Variants in SLCO1B3 observed in about 807,000 individuals in gnomAD.
The protein encoded by SLCO1B3 is solute carrier organic anion transporter family member 1B3, also known as liver-specific organic anion transporter 2.
SLCO1B3 carries 72 observed loss-of-function variants against 71.8 expected under a neutral mutation model. The observed-to-expected ratio is 1.00, with a 90% confidence interval of 0.83 to 1.22. The LOEUF (loss-of-function observed/expected upper bound fraction) is 1.22, where lower values mean the gene tolerates loss of function less well. SLCO1B3 is among the 50% of genes most tolerant of loss of function. SLCO1B3 has a pLI of 0.00. For missense variants in SLCO1B3, 911 were observed against 819.7 expected (o/e 1.11, Z -1.36); for synonymous variants, 298 against 278.4 (o/e 1.07, Z -0.70).
At chr12:20,829,010 A>G (rs928984321) in intron 3 of SLCO1B3, among the ~76,000 whole-genome samples, 12 of 152,036 alleles carry the variant, frequency 7.9e-5, no homozygotes, top group Admixed American at 5.9e-4. Flanking sequence ...CTTTCCTTTT[A>G]CAGAGGCAGG....
intron 14 of SLCO1B3, 25 bp downstream of exon 14, chr12:20,898,525 A>AT: frequency 8.8e-7 from 1 of 1,138,396 alleles, no homozygotes; most frequent in Non-Finnish European, 1.3e-6. Context: ...TAGATTATAC[A>AT]TTTTAACATA....
At chr12:20,812,166 C>T (rs1864120552) in intron 1 of SLCO1B3, among the ~76,000 whole-genome samples, 1 of 152,062 alleles carries the variant, frequency 6.6e-6, no homozygotes. Flanking sequence ...CTCGGCCTCC[C>T]AAAGTGCTGG....
At chr12:20,898,628 T>C in intron 14 of SLCO1B3, 128 bp downstream of exon 14, 1 of 462,632 alleles carries the variant, frequency 2.2e-6, no homozygotes, top group Non-Finnish European at 3.8e-6. Flanking sequence ...ATTTCTATTT[T>C]GTGATAAGTG....
intron 3 of SLCO1B3, among the ~76,000 whole-genome samples, chr12:20,834,018 A>G (rs1864613513): frequency 6.8e-6 from 1 of 146,088 alleles, no homozygotes; most frequent in South Asian, 2.1e-4. Flanking sequence ...GTGTATATGT[A>G]TTATATTTAT....
chr12:20,820,809 A>G (rs887235396), intron 3 of SLCO1B3, among the ~76,000 whole-genome samples: 1 of 152,004 alleles, frequency 6.6e-6, no homozygotes, highest in Non-Finnish European at 1.5e-5. Context: ...CTGGGTTTTT[A>G]TATTTGATGA....
rs143754644 is a variant in SLCO1B3, at chr12:20,877,269, G to A, written c.971-503G>A. ...GAACTGTTTTTTTAAGGGTAGTGAT[G>A]TGAATAGTAAAGCGAATTTTAATTA... On this transcript the variant is annotated intron_variant, in intron 9 of 15. Transcript: ENST00000381545. Among the ~76,000 whole-genome samples the A allele has an allele frequency of 3.8e-3, 585 of 152,154 alleles. 2 individuals carry two copies. Among genetic ancestry groups the A allele is most frequent in the Non-Finnish European group, 6.2e-3 (423 of 67,996 alleles).
At chr12:20,904,899 G>T (rs1313469724) in intron 15 of SLCO1B3, among the ~76,000 whole-genome samples, 1 of 151,080 alleles carries the variant, frequency 6.6e-6, no homozygotes, top group Non-Finnish European at 1.5e-5. Context: ...TCAGCTTCCT[G>T]AGTAGGTGGG....
intron 3 of SLCO1B3, among the ~76,000 whole-genome samples, chr12:20,826,229 A>C (rs1023209676): frequency 1.9e-5 from 1 of 51,548 alleles, no homozygotes; most frequent in Non-Finnish European, 4.4e-5. Flanking sequence ...TTAAGGTAAA[A>C]CTTTTTTTTT....
At chr12:20,849,397 C>T (rs549717598) in intron 3 of SLCO1B3, among the ~76,000 whole-genome samples, 1 of 151,906 alleles carries the variant, frequency 6.6e-6, no homozygotes, top group Non-Finnish European at 1.5e-5. Context: ...TATAAGGGAC[C>T]TCTCTCAACA....
intron 8 of SLCO1B3, among the ~76,000 whole-genome samples, chr12:20,864,043 A>G (rs1459028570): frequency 6.6e-6 from 1 of 151,952 alleles, no homozygotes; most frequent in Non-Finnish European, 1.5e-5. Flanking sequence ...CCCTCTCTTG[A>G]TGAATATCTG....
chr12:20,887,834 C>T (rs1865822764), intron 13 of SLCO1B3, among the ~76,000 whole-genome samples: 2 of 151,700 alleles, frequency 1.3e-5, no homozygotes, highest in Admixed American at 6.6e-5. Flanking sequence ...CCTAGGTTTA[C>T]CCCTAGGATT....
At chr12:20,834,262 A>C (rs1334160011) in intron 3 of SLCO1B3, among the ~76,000 whole-genome samples, 1 of 142,106 alleles carries the variant, frequency 7.0e-6, no homozygotes, top group East Asian at 2.1e-4. Context: ...TAACCTGTAT[A>C]CATAGTCTTC....
Position 20,862,544 on chromosome 12 carries a change from C to A in SLCO1B3, c.614C>A (p.Ser205Tyr), listed in dbSNP as rs1235403390. 2 of 1,609,500 alleles carry A rather than the reference C, an allele frequency of 1.2e-6. No individual in the cohort carries two copies. The highest frequency in any genetic ancestry group is 1.7e-4 in the Middle Eastern group (1 of 6,046). Residue 205 changes from serine to tyrosine, a missense_variant, in exon 7 of 16, where the codon TCT becomes TAT. Coordinates refer to ENST00000381545, the MANE Select transcript of SLCO1B3 (RefSeq NM_019844.4). ...GATGATTTTGCAAAAGAAGGACATT[C>A]TTCCTTGTATTTAGGTAACGTACAG... The part of the protein sequence containing the change: ...YIDDFAKEGH[S>Y]SLYLGSLNAI...
intron 1 of SLCO1B3, among the ~76,000 whole-genome samples, chr12:20,811,955 TGGA>T (rs1864117461): frequency 1.4e-5 from 2 of 143,508 alleles, no homozygotes; most frequent in African/African-American, 5.1e-5. Flanking sequence ...TTGCCCAGGC[TGGA>T]GTGCAATGGC....
chr12:20,860,903 G>T, intron 5 of SLCO1B3, 114 bp from the exon 6 acceptor site: 1 of 1,057,704 alleles, frequency 9.5e-7, no homozygotes, highest in African/African-American at 1.6e-5. Flanking sequence ...CAAGATTCTG[G>T]TAATTTGGAG....
intron 5 of SLCO1B3, chr12:20,858,790 GAAT>G (rs1418183624): frequency 2.0e-5 from 6 of 299,158 alleles, no homozygotes; most frequent in Admixed American, 4.7e-5. Flanking sequence ...TTTTAAATAA[GAAT>G]AATATTATAT....
chr12:20,871,235 G>T (rs1032060781), intron 8 of SLCO1B3, among the ~76,000 whole-genome samples: 1 of 152,026 alleles, frequency 6.6e-6, no homozygotes, highest in Non-Finnish European at 1.5e-5. Context: ...CCATTTTTTG[G>T]AATGGTTTGA....
chr12:20,875,516 A>C (rs1865564299), intron 9 of SLCO1B3, 39 bp downstream of exon 9: 2 of 1,576,580 alleles, frequency 1.3e-6, no homozygotes, highest in Admixed American at 2.0e-5. Context: ...GGAATTGTTA[A>C]TCTCAATGAA....
chr12:20,855,068 C>G lies in SLCO1B3; in HGVS notation c.125C>G (p.Ala42Gly). The G allele has an allele frequency of 1.9e-6, 3 of 1,611,950 alleles. No individual in the cohort carries two copies. The highest frequency in any genetic ancestry group is 1.7e-6 in the Non-Finnish European group (2 of 1,179,384). ...CTGTCATTCAGCTATATTGCTAAAG[C>G]ACTAGGTGGAATCATTATGAAAATT... ...AALSFSYIAK[A>G]LGGIIMKISI... is the part of the protein sequence containing the mutation. Residue 42 changes from alanine (A) to glycine (G), a missense_variant, in exon 4 of 16, where the codon GCA becomes GGA. Coordinates refer to ENST00000381545, the MANE Select transcript of SLCO1B3 (RefSeq NM_019844.4).
Sources: allele counts gnomAD v4.1 joint callset (sites outside exome capture counted in the v4.1 genomes callset), GRCh38; gene constraint gnomAD v4.1.1; transcripts MANE v1.5; gene names NCBI Gene and HGNC (gene_info 2026-07-23, HGNC 2026-07-21).